FRRS1L: variants seen among roughly 807,000 people sequenced by gnomAD.
The protein encoded by FRRS1L is DOMON domain-containing protein FRRS1L.
Under a neutral mutation model 28.6 loss-of-function variants are expected in FRRS1L, and 22 were observed. That is an observed-to-expected ratio of 0.77 (90% CI 0.55 to 1.10). FRRS1L has a LOEUF of 1.10. Ranked by LOEUF, FRRS1L falls within the 50% of genes least tolerant of loss-of-function variation. The probability of loss-of-function intolerance (pLI) is 0.00; values close to 1 mark genes in which losing one functional copy is unlikely to be tolerated. For synonymous variants in FRRS1L, 158 were observed against 151.4 expected, an observed-to-expected ratio of 1.04 and a Z score of -0.32; for missense variants, 380 against 386.9, an observed-to-expected ratio of 0.98 and a Z score of 0.15.
chr9:109,137,453 G>A lies in FRRS1L; in HGVS notation c.*2C>T, dbSNP rs757494229. ...TGTAATCTGTTGGCCCTGCAGCTGT[G>A]GTTAGGGGGTTCCCATCAATAGGTA... On this transcript the variant is annotated 3_prime_UTR_variant, in exon 5 of 5. Coordinates refer to ENST00000561981, the MANE Select transcript of FRRS1L (RefSeq NM_014334.4). 1.3e-6 allele frequency: 2 copies of A among 1,585,058 alleles called. No homozygotes were observed. The highest frequency in any genetic ancestry group is 1.7e-6 in the Non-Finnish European group (2 of 1,161,932).
At chr9:109,162,973 C>T (rs1831496862) in intron 1 of FRRS1L, among the ~76,000 whole-genome samples, 1 of 152,152 alleles carries the variant, frequency 6.6e-6, no homozygotes, top group South Asian at 2.1e-4. Flanking sequence ...CTGTCTTTTC[C>T]TTCTTAGGCA....
intron 2 of FRRS1L, among the ~76,000 whole-genome samples, chr9:109,148,944 T>G (rs1431991472): frequency 6.6e-6 from 1 of 152,210 alleles, no homozygotes; most frequent in Non-Finnish European, 1.5e-5. Flanking sequence ...TTCTTAGACC[T>G]TAAGTACTGA....
rs987380228 is a variant in FRRS1L at position 109,131,744 on chromosome 9, A to T, written c.*5711T>A. 2.0e-5 allele frequency: 3 copies of T among 152,226 alleles called. No homozygotes were observed. The allele number at this position is 152,226 out of a possible 1,614,324, so 9.4% of individuals were successfully genotyped here. A position where few individuals can be genotyped will look rare whatever the true frequency, so the allele number is the denominator to read the frequency against. On this transcript the variant is annotated 3_prime_UTR_variant, in exon 5 of 5. Coordinates refer to ENST00000561981, the MANE Select transcript of FRRS1L (RefSeq NM_014334.4). ...ATTCGGGGATCGTCTGTGTATATAA[A>T]CACATGGAGAACCACCTAACTGTTC...
intron 3 of FRRS1L, among the ~76,000 whole-genome samples, chr9:109,143,347 A>T (rs1355135621): frequency 6.6e-6 from 1 of 151,960 alleles, no homozygotes; most frequent in Non-Finnish European, 1.5e-5. Context: ...AAAAAGTGTT[A>T]ATCAGTTGTA....
At chr9:109,154,324 C>T (rs1402687543) in intron 1 of FRRS1L, among the ~76,000 whole-genome samples, 1 of 152,222 alleles carries the variant, frequency 6.6e-6, no homozygotes, top group Non-Finnish European at 1.5e-5. Flanking sequence ...TCCAGTCCCG[C>T]AACTTCTTGC....
rs1287532907 is a variant in FRRS1L, at chr9:109,141,488, G to C, written c.564C>G (p.Asn188Lys). The C allele has an allele frequency of 6.2e-7, 1 of 1,614,008 alleles. No homozygotes were observed. Among genetic ancestry groups the C allele is most frequent in the East Asian group, 2.2e-5 (1 of 44,892 alleles). ...AAACTCCTTCTTCATCTCTGGCAGG[G>C]TTTCTCTGAATCTCCTTTGCCCACT... The part of the protein sequence containing the change: ...VGQWAKEIQR[N>K]PARDEEGVFE... Residue 188 changes from asparagine to lysine, a missense_variant, in exon 4 of 5, where the codon AAC becomes AAG. Physicochemically the swap from Asn to Lys is moderately conservative, Grantham distance 94. Coordinates refer to ENST00000561981, the MANE Select transcript of FRRS1L (RefSeq NM_014334.4).
In FRRS1L at chr9:109,131,248, T is replaced by C. The variant is rs1204076438; in HGVS notation, c.*6207A>G. 1 of 152,214 alleles carries C rather than the reference T, an allele frequency of 6.6e-6. No individual in the cohort carries two copies. The highest frequency in any genetic ancestry group is 1.5e-5 in the Non-Finnish European group (1 of 68,046). 9.4% of individuals were successfully genotyped at this position (152,214 alleles called of 1,614,324 possible). ...AGTCTTGGTTTCTTAACTAACAGTA[T>C]AGAAAAGTCACATTCAACAGTGGTA... On this transcript the variant is annotated 3_prime_UTR_variant, in exon 5 of 5. Transcript: ENST00000561981.
At chr9:109,164,419 C>T (rs1831520971) in intron 1 of FRRS1L, among the ~76,000 whole-genome samples, 2 of 135,074 alleles carry the variant, frequency 1.5e-5, no homozygotes, top group African/African-American at 5.6e-5. Context: ...TTTTTTGAGA[C>T]CGAGTCTCAC....
chr9:109,165,733 G>A (rs1479456010), intron 1 of FRRS1L, among the ~76,000 whole-genome samples: 1 of 152,158 alleles, frequency 6.6e-6, no homozygotes, highest in Non-Finnish European at 1.5e-5. Context: ...GGCCAAAGAA[G>A]TATAAAAATT....
intron 1 of FRRS1L, among the ~76,000 whole-genome samples, chr9:109,160,942 G>A (rs1180800532): frequency 6.6e-6 from 1 of 151,848 alleles, no homozygotes; most frequent in Non-Finnish European, 1.5e-5. Context: ...ACAGGCACCC[G>A]CCATCATGCC....
rs1267651283 is a variant in FRRS1L, at chr9:109,163,763, T to C, written c.238+3138A>G. 2.6e-5 allele frequency among the ~76,000 whole-genome samples: 4 copies of C among 152,158 alleles called. No homozygotes were observed. The South Asian group carries it at 6.2e-4, about 24-fold the overall frequency. ...GGGTACCCTGCACAGAGGGAACAAGTAGCCTAGTCACTAGAAATGGACAAC... is the reference window on the plus strand; with the variant it reads ...GGGTACCCTGCACAGAGGGAACAAGCAGCCTAGTCACTAGAAATGGACAAC... On this transcript the variant is annotated intron_variant, in intron 1 of 4. Transcript: ENST00000561981.
At chr9:109,156,829 C>T (rs746702225) in intron 1 of FRRS1L, among the ~76,000 whole-genome samples, 1 of 151,984 alleles carries the variant, frequency 6.6e-6, no homozygotes, top group African/African-American at 2.4e-5. Context: ...AGCCACCACA[C>T]CCAGCAACTT....
chr9:109,160,242 T>G (rs1417898818), intron 1 of FRRS1L, among the ~76,000 whole-genome samples: 1 of 152,050 alleles, frequency 6.6e-6, no homozygotes, highest in Non-Finnish European at 1.5e-5. Flanking sequence ...CACAAGCAAA[T>G]CAATTCCAGA....
chr9:109,163,413 A>T (rs1023622378), intron 1 of FRRS1L, among the ~76,000 whole-genome samples: 1 of 152,204 alleles, frequency 6.6e-6, no homozygotes, highest in African/African-American at 2.4e-5. Context: ...GTGACATTTG[A>T]GCTGAGACTG....
At chr9:109,147,986 T>C (rs925859867) in intron 2 of FRRS1L, 3 of 152,042 alleles carry the variant, frequency 2.0e-5, no homozygotes, top group African/African-American at 7.2e-5. Flanking sequence ...TTTTTTTTTT[T>C]TTGAGACAGT....
intron 1 of FRRS1L, among the ~76,000 whole-genome samples, chr9:109,160,281 G>A (rs1202109366): frequency 1.3e-5 from 2 of 151,960 alleles, no homozygotes; most frequent in Non-Finnish European, 2.9e-5. Flanking sequence ...AAAAGCTATC[G>A]TCCTATGTTT....
Position 109,137,449 on chromosome 9 carries a change from C to T in FRRS1L, c.*6G>A. On this transcript the variant is annotated 3_prime_UTR_variant, in exon 5 of 5. Coordinates refer to ENST00000561981, the MANE Select transcript of FRRS1L (RefSeq NM_014334.4). ...TCCATGTAATCTGTTGGCCCTGCAG[C>T]TGTGGTTAGGGGGTTCCCATCAATA... The T allele has an allele frequency of 6.5e-7, 1 of 1,543,924 alleles. No individual in the cohort carries two copies. Among genetic ancestry groups the T allele is most frequent in the South Asian group, 1.3e-5 (1 of 77,972 alleles).
At chr9:109,160,572 G>C (rs1831468774) in intron 1 of FRRS1L, among the ~76,000 whole-genome samples, 1 of 151,852 alleles carries the variant, frequency 6.6e-6, no homozygotes, top group Admixed American at 6.6e-5. Context: ...TCTTTTTGTA[G>C]AGATGGGGTA....
At position 109,136,238 on chromosome 9, in the gene FRRS1L, A is replaced by G. The variant is rs1831109550; in HGVS notation, c.*1217T>C. The G allele has an allele frequency of 6.6e-6, 1 of 151,982 alleles. No homozygotes were observed. Among genetic ancestry groups the G allele is most frequent in the African/African-American group, 2.4e-5 (1 of 41,356 alleles). 9.4% of individuals were successfully genotyped at this position (151,982 alleles called of 1,614,324 possible). Reference sequence around the variant, plus strand: ...ACAAGAGGGAAAATTCATCGCAAAAAAAAAAAAAAATACATTTTTAATCAC... The same window carrying G: ...ACAAGAGGGAAAATTCATCGCAAAAGAAAAAAAAAATACATTTTTAATCAC... On this transcript the variant is annotated 3_prime_UTR_variant, in exon 5 of 5. Transcript: ENST00000561981.
Sources: allele counts gnomAD v4.1 joint callset (sites outside exome capture counted in the v4.1 genomes callset), GRCh38; gene constraint gnomAD v4.1.1; transcripts MANE v1.5; gene names NCBI Gene and HGNC (gene_info 2026-07-23, HGNC 2026-07-21).